Variants in L3MBTL2 observed in about 807,000 individuals in gnomAD.
L3MBTL2 encodes lethal(3)malignant brain tumor-like protein 2.
A neutral mutation model predicts 86.4 loss-of-function variants in L3MBTL2; 49 were observed. The ratio of observed to expected loss-of-function variants is 0.57; its 90% confidence interval spans 0.45 to 0.72. L3MBTL2 has a LOEUF of 0.72. Ranked by LOEUF, L3MBTL2 falls within the 30% of genes least tolerant of loss-of-function variation. The pLI is 0.00. For synonymous variants in L3MBTL2, 336 were observed against 350.6 expected (o/e 0.96, Z 0.47); for missense variants, 755 against 923.7 (o/e 0.82, Z 2.37).
Position 41,230,521 on chromosome 22 carries a change from C to G in L3MBTL2, c.*270C>G. 2.2e-6 allele frequency: 1 copy of G among 455,042 alleles called. No individual in the cohort carries two copies. The highest frequency in any genetic ancestry group is 3.9e-6 in the Non-Finnish European group (1 of 253,938). 28.2% of individuals were successfully genotyped at this position (455,042 alleles called of 1,614,324 possible). ...AACCACCTTTTCCAGCCAGAGTTCC[C>G]AAAGCTGGAACGCTAGCTGCCTGCT... On this transcript the variant is annotated 3_prime_UTR_variant, in exon 17 of 17. Transcript: ENST00000216237.
At chr22:41,228,927 G>A (rs1047874168) in intron 15 of L3MBTL2, among the ~76,000 whole-genome samples, 3 of 152,066 alleles carry the variant, frequency 2.0e-5, no homozygotes, top group African/African-American at 7.2e-5. Context: ...CAAACGGTAG[G>A]ACCGGGAATG....
At position 41,227,692 on chromosome 22, in the gene L3MBTL2, G is replaced by T; in HGVS notation, c.1823-112G>T. On this transcript the variant is annotated intron_variant, in intron 14 of 16. Transcript: ENST00000216237. The surrounding 1 kb of genome is among the most constrained non-coding windows in gnomAD (Gnocchi z 6.0). ...CCTCATTGCCCAGGTTTGGCTTCCT[G>T]TCTTGGGGTGTCTCGTGTGGGAGGG... 6.3e-7 allele frequency: 1 copy of T among 1,592,422 alleles called. No homozygotes were observed.
rs773148896 is a variant in L3MBTL2, at chr22:41,225,750, C to T, written c.1357-44C>T. ...TGCGGTACCAACCCAGGATGGGGTG[C>T]AGTTCATGATATGATCTGTCTGCCT... is the stretch of plus-strand genomic sequence containing the variant. On this transcript the variant is annotated intron_variant, in intron 11 of 16. Transcript: ENST00000216237. The surrounding 1 kb of genome is among the most constrained non-coding windows in gnomAD (Gnocchi z 4.1). 2 of 1,576,804 alleles carry T rather than the reference C, an allele frequency of 1.3e-6. No homozygotes were observed. Among genetic ancestry groups the T allele is most frequent in the Admixed American group, 3.4e-5 (2 of 58,316 alleles).
chr22:41,230,587 A>G lies in L3MBTL2; in HGVS notation c.*336A>G, dbSNP rs1223188077. On this transcript the variant is annotated 3_prime_UTR_variant, in exon 17 of 17. Transcript: ENST00000216237. ...CTCCCCCCGACCCGCCACGGCCCTC[A>G]GTTGCCAGGGATGGGGCCACCACTG... The G allele has an allele frequency of 8.8e-6, 3 of 339,474 alleles. No homozygotes were observed. The Admixed American group carries it at 1.4e-4, about 16-fold the overall frequency. 21.0% of individuals were successfully genotyped at this position (339,474 alleles called of 1,614,324 possible). A position where few individuals can be genotyped will look rare whatever the true frequency, so the allele number is the denominator to read the frequency against.
At chr22:41,208,861 G>C (rs911609764) in intron 1 of L3MBTL2, among the ~76,000 whole-genome samples, 3 of 152,056 alleles carry the variant, frequency 2.0e-5, no homozygotes, top group Non-Finnish European at 2.9e-5. Flanking sequence ...CTCTGCCTCA[G>C]CTTCCCAAGT....
At position 41,227,286 on chromosome 22, in the gene L3MBTL2, G is replaced by C. The variant is rs1247013622; in HGVS notation, c.1785G>C (p.Glu595Asp). 1 of 1,610,232 alleles carries C rather than the reference G, an allele frequency of 6.2e-7. No individual in the cohort carries two copies. Among genetic ancestry groups the C allele is most frequent in the African/African-American group, 1.3e-5 (1 of 74,998 alleles). ...SPDIYPVGWC[E>D]LTGYQLQPPV... ...ACATCTACCCCGTCGGCTGGTGTGA[G>C]CTCACCGGCTACCAGCTCCAGCCTC... Residue 595 changes from glutamate (E) to aspartate (D), a missense_variant, in exon 14 of 17, where the codon GAG becomes GAC. Physicochemically the swap from Glu to Asp is conservative, Grantham distance 45 (BLOSUM62 2). Transcript: ENST00000216237. The surrounding 1 kb of genome is among the most constrained non-coding windows in gnomAD (Gnocchi z 6.0).
At chr22:41,228,985 T>G (rs2032392002) in intron 15 of L3MBTL2, among the ~76,000 whole-genome samples, 1 of 152,050 alleles carries the variant, frequency 6.6e-6, no homozygotes, top group South Asian at 2.1e-4. Context: ...GGGCTGAGTG[T>G]GATGGTTCAC....
chr22:41,205,438 G>C, intron 1 of L3MBTL2, 52 bp downstream of exon 1: 1 of 1,605,146 alleles, frequency 6.2e-7, no homozygotes, highest in Non-Finnish European at 8.5e-7. Context: ...CGAGAGCCTC[G>C]CTCCGTGGGC....
chr22:41,227,746 CCT>C lies in L3MBTL2; in HGVS notation c.1823-57_1823-56del, dbSNP rs2032287303. The C allele has an allele frequency of 1.2e-6, 2 of 1,612,234 alleles. No homozygotes were observed. The highest frequency in any genetic ancestry group is 1.3e-5 in the African/African-American group (1 of 74,988). ...ATGGGGTCTCGGGATGCGCCTGTGC[CCT>C]GTGTCCTCCCAGGGACCCTCTTCTC... On this transcript the variant is annotated intron_variant, in intron 14 of 16. Transcript: ENST00000216237. The surrounding 1 kb of genome is among the most constrained non-coding windows in gnomAD (Gnocchi z 6.0).
At chr22:41,217,050 G>A in intron 4 of L3MBTL2, 73 bp from the exon 5 acceptor site, 1 of 1,234,736 alleles carries the variant, frequency 8.1e-7, no homozygotes, top group African/African-American at 1.5e-5. Flanking sequence ...GTCCCACAGG[G>A]CCCTTGGGGT....
intron 3 of L3MBTL2, among the ~76,000 whole-genome samples, chr22:41,215,741 C>T (rs1278796961): frequency 2.6e-5 from 4 of 152,232 alleles, no homozygotes; most frequent in Non-Finnish European, 5.9e-5. Flanking sequence ...GACCCTCTCC[C>T]AAACATTCGC....
Position 41,227,050 on chromosome 22 carries a change from G to A in L3MBTL2, c.1588-39G>A, listed in dbSNP as rs759228068. The A allele has an allele frequency of 9.7e-6, 15 of 1,544,928 alleles. No homozygotes were observed. The highest frequency in any genetic ancestry group is 3.5e-4 in the Middle Eastern group (2 of 5,718). On this transcript the variant is annotated intron_variant, in intron 13 of 16. Transcript: ENST00000216237. The surrounding 1 kb of genome is among the most constrained non-coding windows in gnomAD (Gnocchi z 6.0). Reference sequence around the variant, plus strand: ...CGGGGCAAGCCTGCTGGGGTAGGGAGCTGACTGGCTTGGCCACTGCCTCCT... The same window carrying A: ...CGGGGCAAGCCTGCTGGGGTAGGGAACTGACTGGCTTGGCCACTGCCTCCT...
chr22:41,213,185 A>G (rs1336340771), intron 2 of L3MBTL2, among the ~76,000 whole-genome samples: 1 of 152,138 alleles, frequency 6.6e-6, no homozygotes, highest in African/African-American at 2.4e-5. Context: ...CCAGTGTACT[A>G]CTCCAGGCTG....
intron 13 of L3MBTL2, 148 bp downstream of exon 13, chr22:41,226,892 C>A: frequency 1.3e-6 from 1 of 748,092 alleles, no homozygotes; most frequent in Non-Finnish European, 2.2e-6. Context: ...CAGCTATGGC[C>A]TGGGCACTCC....
chr22:41,210,529 C>G (rs1428936703), intron 2 of L3MBTL2, among the ~76,000 whole-genome samples: 1 of 152,246 alleles, frequency 6.6e-6, no homozygotes, highest in Non-Finnish European at 1.5e-5. Context: ...CAGGGTTTCA[C>G]CACGTTAGCC....
At position 41,230,544 on chromosome 22, in the gene L3MBTL2, G is replaced by C. The variant is rs17002362; in HGVS notation, c.*293G>C. The C allele has an allele frequency of 7.7e-3, 3,176 of 413,860 alleles. 94 individuals carry two copies. Among genetic ancestry groups the C allele is most frequent in the African/African-American group, 0.059 (2,897 of 48,716 alleles). The allele number at this position is 413,860 out of a possible 1,614,324, so 25.6% of individuals were successfully genotyped here. Reference sequence around the variant, plus strand: ...CCCAAAGCTGGAACGCTAGCTGCCTGCTCTTCCTTAAGATGGCCTCCCCCC... The same window carrying C: ...CCCAAAGCTGGAACGCTAGCTGCCTCCTCTTCCTTAAGATGGCCTCCCCCC... On this transcript the variant is annotated 3_prime_UTR_variant, in exon 17 of 17. Coordinates refer to ENST00000216237, the MANE Select transcript of L3MBTL2 (RefSeq NM_031488.5).
intron 4 of L3MBTL2, chr22:41,216,900 T>A (rs1409837253): frequency 4.0e-6 from 2 of 495,256 alleles, no homozygotes; most frequent in Non-Finnish European, 7.2e-6. Context: ...CCTCTACTCC[T>A]GAGAGTCTTG....
In L3MBTL2 at chr22:41,209,905, C is replaced by A; in HGVS notation, c.234C>A (p.Arg78=). 6.2e-7 allele frequency: 1 copy of A among 1,613,916 alleles called. No homozygotes were observed. Among genetic ancestry groups the A allele is most frequent in the Non-Finnish European group, 8.5e-7 (1 of 1,179,894 alleles). The change falls in exon 2 of 17, where the codon CGC becomes CGA. Residue 78 remains arginine (R), a synonymous_variant. Coordinates refer to ENST00000216237, the MANE Select transcript of L3MBTL2 (RefSeq NM_031488.5). ...PLHLLSPGTP[R]SLDGSGSEPA... ...ATTTGCTCAGCCCTGGGACTCCTCG[C>A]TCCTTGGATGGCAGTGGTTCTGAGC...
Position 41,224,924 on chromosome 22 carries a change from C to T in L3MBTL2, c.1252-43C>T. On this transcript the variant is annotated intron_variant, in intron 10 of 16. Transcript: ENST00000216237. The surrounding 1 kb of genome is among the most constrained non-coding windows in gnomAD (Gnocchi z 4.9). ...GAGGCCTGCTTCCCTCACCCTTCCT[C>T]CTGGCCTGCCCAGGGAGTCCCCAGC... 1.3e-6 allele frequency: 2 copies of T among 1,589,562 alleles called. No homozygotes were observed. Among genetic ancestry groups the T allele is most frequent in the Non-Finnish European group, 8.6e-7 (1 of 1,159,016 alleles).
Sources: gnomAD v4.1 joint callset for allele counts (sites outside exome capture counted in the v4.1 genomes callset) on GRCh38, gnomAD v4.1.1 for gene constraint, Gnocchi (gnomAD v3.1) non-coding constraint, MANE v1.5 for transcripts, NCBI Gene and HGNC (gene_info 2026-07-23, HGNC 2026-07-21) for gene names.